The following NELL2 variants were observed in gnomAD, a reference collection of about 807,000 sequenced individuals.
The protein encoded by NELL2 is neural EGFL like 2, also known as protein kinase C-binding protein NELL2.
A neutral mutation model predicts 109.6 loss-of-function variants in NELL2; 41 were observed. The ratio of observed to expected loss-of-function variants is 0.37; its 90% CI spans 0.29 to 0.49. NELL2 has a LOEUF of 0.49. Ranked by LOEUF, NELL2 falls within the 20% of genes least tolerant of loss-of-function variation. The pLI, the probability that NELL2 is intolerant of heterozygous loss-of-function variation, is 0.98. For missense variants in NELL2, 900 were observed against 1,008.3 expected, an observed-to-expected ratio of 0.89 and a Z score of 1.45; for synonymous variants, 355 against 344.7, an observed-to-expected ratio of 1.03 and a Z score of -0.33.
chr12:44,799,954 T>C (rs1037111951), intron 3 of NELL2, among the ~76,000 whole-genome samples: 2 of 152,158 alleles, frequency 1.3e-5, no homozygotes, highest in Non-Finnish European at 2.9e-5. Context: ...CTGTCTTAGA[T>C]ATTAGTGGTC....
Position 44,736,033 on chromosome 12 carries a change from C to T in NELL2, c.995-21292G>A, listed in dbSNP as rs944169786. On this transcript the variant is annotated intron_variant, in intron 9 of 19. Transcript: ENST00000429094. ...TTTTTTTTTTTTTTTTTTTTTCTGA[C>T]GGAGTTTCGCTCTGTTGCCCAGGCT... Among the ~76,000 whole-genome samples, 31 of 111,968 alleles carry T rather than the reference C, an allele frequency of 2.8e-4. 1 individual carries two copies. The highest frequency in any genetic ancestry group is 2.7e-3 in the Admixed American group (24 of 8,780). The allele number at this position is 111,968 out of a possible 152,430, so 73.5% of individuals were successfully genotyped here. A position where few individuals can be genotyped will look rare whatever the true frequency, so the allele number is the denominator to read the frequency against.
chr12:44,868,295 T>C (rs1945066497), intron 2 of NELL2, among the ~76,000 whole-genome samples: 1 of 152,012 alleles, frequency 6.6e-6, no homozygotes, highest in Admixed American at 6.6e-5. Flanking sequence ...AAGACACAAA[T>C]AAATGAAAAG....
At chr12:44,624,445 C>T (rs534050627) in intron 13 of NELL2, among the ~76,000 whole-genome samples, 1 of 152,178 alleles carries the variant, frequency 6.6e-6, no homozygotes, top group East Asian at 1.9e-4. Flanking sequence ...GGCTCTTATT[C>T]TACCCTCCTC....
At chr12:44,652,847 C>A (rs952647514) in intron 13 of NELL2, among the ~76,000 whole-genome samples, 2 of 152,176 alleles carry the variant, frequency 1.3e-5, no homozygotes, top group African/African-American at 4.8e-5. Flanking sequence ...TGTTTCCTTG[C>A]CTTTTCCAGC....
At chr12:44,526,774 T>C (rs992437405) in intron 16 of NELL2, among the ~76,000 whole-genome samples, 1 of 152,206 alleles carries the variant, frequency 6.6e-6, no homozygotes, top group African/African-American at 2.4e-5. Flanking sequence ...AAGGCAGAAG[T>C]GTTCAGTCTA....
rs1216782775 is a variant in NELL2, at chr12:44,876,182, C to G, written c.-313G>C. The G allele has an allele frequency of 1.3e-5, 16 of 1,240,970 alleles. No individual in the cohort carries two copies. The highest frequency in any genetic ancestry group is 7.3e-5 in the Admixed American group (2 of 27,356). 76.9% of individuals were successfully genotyped at this position (1,240,970 alleles called of 1,614,324 possible). ...GCGGCTCCGTCGGGGAATTAGCTCC[C>G]GAGCCGAATAAAAGCAGCCAAAGAC... is the stretch of plus-strand genomic sequence containing the variant. On this transcript the variant is annotated 5_prime_UTR_variant, in exon 1 of 20. Coordinates refer to ENST00000429094, the MANE Select transcript of NELL2 (RefSeq NM_001145108.2).
At chr12:44,663,620 G>A (rs2136336171) in intron 13 of NELL2, among the ~76,000 whole-genome samples, 1 of 152,282 alleles carries the variant, frequency 6.6e-6, no homozygotes, top group South Asian at 2.1e-4. Flanking sequence ...AATGGTAAGG[G>A]AAAATTCCTC....
chr12:44,525,304 T>C (rs1239231095), intron 16 of NELL2, among the ~76,000 whole-genome samples: 2 of 152,226 alleles, frequency 1.3e-5, no homozygotes, highest in Admixed American at 6.5e-5. Context: ...ACAAGACGAA[T>C]ATGTATACTT....
chr12:44,576,603 G>T (rs1436286783), intron 15 of NELL2, among the ~76,000 whole-genome samples: 1 of 151,462 alleles, frequency 6.6e-6, no homozygotes, highest in Admixed American at 6.6e-5. Context: ...TATTGTGCAG[G>T]TTAGTTACAT....
At position 44,752,797 on chromosome 12, in the gene NELL2, T is replaced by G. The variant is rs1592463021; in HGVS notation, c.994+21950A>C. The stretch of plus-strand genomic sequence containing the variant: ...GTTACAACTGAAATTGTTGGCATCA[T>G]TACTCCTCCTCCAAACTATTTCAGT... On this transcript the variant is annotated intron_variant, in intron 9 of 19. Transcript: ENST00000429094. Among the ~76,000 whole-genome samples, 5 of 152,234 alleles carry G rather than the reference T, an allele frequency of 3.3e-5. No individual in the cohort carries two copies. In the South Asian group the frequency reaches 1.0e-3, roughly 32 times the overall value.
chr12:44,516,924 T>G (rs1941290495), intron 19 of NELL2, among the ~76,000 whole-genome samples: 1 of 151,490 alleles, frequency 6.6e-6, no homozygotes, highest in African/African-American at 2.4e-5. Context: ...TTTGCTAATT[T>G]TATGTATCTA....
intron 13 of NELL2, among the ~76,000 whole-genome samples, chr12:44,636,946 T>G (rs1033519505): frequency 6.6e-6 from 1 of 152,168 alleles, no homozygotes; most frequent in South Asian, 2.1e-4. Flanking sequence ...TATTGTTATA[T>G]TCAGGGTTTT....
intron 7 of NELL2, 76 bp from the exon 8 acceptor site, chr12:44,776,226 C>G: frequency 6.8e-7 from 1 of 1,472,070 alleles, no homozygotes; most frequent in Non-Finnish European, 9.2e-7. Flanking sequence ...CCGCAGGTAT[C>G]TTTTTTTTAA....
intron 7 of NELL2, 63 bp downstream of exon 7, chr12:44,776,979 T>C (rs930144012): frequency 6.6e-6 from 9 of 1,366,674 alleles, no homozygotes; most frequent in Admixed American, 1.7e-5. Flanking sequence ...TGGTTATAAA[T>C]GGAAGTATTG....
At chr12:44,789,121 A>T (rs1942289026) in intron 3 of NELL2, among the ~76,000 whole-genome samples, 1 of 152,086 alleles carries the variant, frequency 6.6e-6, no homozygotes, top group Non-Finnish European at 1.5e-5. Context: ...GGTCCTGCCC[A>T]CTGCTGGGTA....
intron 3 of NELL2, among the ~76,000 whole-genome samples, chr12:44,809,885 G>C (rs574078863): frequency 6.6e-6 from 1 of 152,010 alleles, no homozygotes; most frequent in South Asian, 2.1e-4. Context: ...AAAATTGTGT[G>C]ATTAGATATC....
intron 9 of NELL2, among the ~76,000 whole-genome samples, chr12:44,736,970 A>T (rs547849084): frequency 1.3e-5 from 2 of 152,078 alleles, no homozygotes; most frequent in Admixed American, 1.3e-4. Context: ...ATATTCTCGT[A>T]TTTGTTTACT....
At position 44,776,068 on chromosome 12, in the gene NELL2, C is replaced by T. The variant is rs867220179; in HGVS notation, c.845G>A (p.Arg282Gln). 4.3e-6 allele frequency: 7 copies of T among 1,614,058 alleles called. No homozygotes were observed. Among genetic ancestry groups the T allele is most frequent in the Admixed American group, 3.3e-5 (2 of 60,020 alleles). Residue 282 changes from arginine (R) to glutamine (Q), a missense_variant, in exon 8 of 20, where the codon CGA becomes CAA. Arg to Gln is a conservative substitution (Grantham distance 43). Coordinates refer to ENST00000429094, the MANE Select transcript of NELL2 (RefSeq NM_001145108.2). ...RTCTMKGTTY[R>Q]EFESWIDGCK... ...GCCGTCTATCCAGGACTCAAATTCT[C>T]GGTAGGTGGTTCCCTTCATGGTGCA...
At chr12:44,595,893 GC>G (rs1399057878) in intron 15 of NELL2, among the ~76,000 whole-genome samples, 8 of 152,094 alleles carry the variant, frequency 5.3e-5, no homozygotes, top group Admixed American at 5.2e-4. Flanking sequence ...CATTTAATCA[GC>G]TGTTTGCTTG....
Sources: allele counts gnomAD v4.1 joint callset (sites outside exome capture counted in the v4.1 genomes callset), GRCh38; gene constraint gnomAD v4.1.1; transcripts MANE v1.5; gene names NCBI Gene and HGNC (gene_info 2026-07-23, HGNC 2026-07-21).